MORC1: variants seen among roughly 807,000 people sequenced by gnomAD.
MORC1 encodes the protein MORC family CW-type zinc finger 1, also known as MORC family CW-type zinc finger protein 1.
Under a neutral mutation model 134.9 loss-of-function variants are expected in MORC1, and 59 were observed. The observed-to-expected ratio is 0.44, with a 90% CI of 0.35 to 0.54. The LOEUF is 0.54. MORC1 is among the 20% of genes least tolerant of loss of function. The probability of loss-of-function intolerance (pLI) is 0.00; values close to 1 mark genes in which losing one functional copy is unlikely to be tolerated. For missense variants in MORC1, 947 were observed against 1,134.5 expected (o/e 0.83, Z 2.37); for synonymous variants, 395 against 391.7 (o/e 1.01, Z -0.10).
At chr3:109,011,524 G>GTTT (rs577815272) in intron 17 of MORC1, among the ~76,000 whole-genome samples, 69 of 138,344 alleles carry the variant, frequency 5.0e-4, no homozygotes, top group African/African-American at 1.7e-3. Context: ...CTTTGTTTTT[G>GTTT]TTTTTTTTTT....
chr3:109,019,294 G>A lies in MORC1; in HGVS notation c.1704+8457C>T, dbSNP rs115249126. 5.0e-3 allele frequency among the ~76,000 whole-genome samples: 757 copies of A among 152,212 alleles called. 5 individuals are homozygous for A. The highest frequency in any genetic ancestry group is 0.02 in the Middle Eastern group (6 of 294). ...TTGCATCTCCTTCTTCAAAGAGCTC[G>A]TAAGCATTGCCCCTTCTGTAAAGCT... On this transcript the variant is annotated intron_variant, in intron 17 of 27. Coordinates refer to ENST00000232603, the MANE Select transcript of MORC1 (RefSeq NM_014429.4).
intron 17 of MORC1, among the ~76,000 whole-genome samples, chr3:109,025,379 C>CCT (rs1949050115): frequency 3.8e-5 from 4 of 105,078 alleles, no homozygotes; most frequent in Admixed American, 1.1e-4. Flanking sequence ...TTTCTTTTTT[C>CCT]TTTTTTTTTT....
At chr3:108,959,201 C>T in intron 27 of MORC1, 81 bp from the exon 28 acceptor site, 1 of 1,256,342 alleles carries the variant, frequency 8.0e-7, no homozygotes, top group Non-Finnish European at 1.1e-6. Context: ...TCCTAACAGT[C>T]TTCCCTATGA....
chr3:109,043,676 C>G (rs917195595), intron 14 of MORC1, among the ~76,000 whole-genome samples: 4 of 152,128 alleles, frequency 2.6e-5, no homozygotes, highest in African/African-American at 7.2e-5. Context: ...AAAGTTACTT[C>G]TCCATGAGCA....
At chr3:109,036,405 T>A (rs966611367) in intron 14 of MORC1, among the ~76,000 whole-genome samples, 1 of 152,148 alleles carries the variant, frequency 6.6e-6, no homozygotes, top group Non-Finnish European at 1.5e-5. Context: ...ACAGTGGATA[T>A]CTTTAGAGCA....
chr3:109,006,897 G>A, intron 18 of MORC1, 132 bp downstream of exon 18: 1 of 489,204 alleles, frequency 2.0e-6, no homozygotes, highest in South Asian at 6.0e-5. Flanking sequence ...AGAATAAAAT[G>A]GCAGTTAAAA....
intron 3 of MORC1, among the ~76,000 whole-genome samples, chr3:109,108,623 C>T (rs896995270): frequency 6.6e-6 from 1 of 152,098 alleles, no homozygotes; most frequent in South Asian, 2.1e-4. Context: ...CTCAGCCAGG[C>T]GCGGTGGCTC....
Position 108,959,107 on chromosome 3 carries a change from C to T in MORC1, c.2813G>A (p.Gly938Asp). The change falls in exon 28 of 28, where the codon GGT becomes GAT. Residue 938 changes from glycine (G) to aspartate (D), a missense_variant. Physicochemically the swap from Gly to Asp is moderately conservative, Grantham distance 94 (BLOSUM62 -1). Around this residue, in one of 3 missense-constraint regions of MORC1, gnomAD observed 722 missense variants for 817.0 expected, o/e 0.88. Coordinates refer to ENST00000232603, the MANE Select transcript of MORC1 (RefSeq NM_014429.4). ...ATAAGTGTCAGTCTGCTCCAGGTCA[C>T]CTTCTGGACCACCCTGGAAAAGAGA... ...LQKLQLGGPE[G>D]DLEQTDTYLE... is the part of the protein sequence containing the mutation. 1 of 1,576,372 alleles carries T rather than the reference C, an allele frequency of 6.3e-7. No individual in the cohort carries two copies. The highest frequency in any genetic ancestry group is 1.4e-5 in the African/African-American group (1 of 72,232).
intron 17 of MORC1, among the ~76,000 whole-genome samples, chr3:109,008,024 T>C (rs1281626081): frequency 2.0e-5 from 3 of 152,140 alleles, no homozygotes; most frequent in Non-Finnish European, 4.4e-5. Context: ...TAGCATATTA[T>C]ACACATGGTC....
chr3:108,979,855 C>T (rs1377531886), intron 23 of MORC1, among the ~76,000 whole-genome samples, 188 bp from the exon 24 acceptor site: 3 of 152,084 alleles, frequency 2.0e-5, no homozygotes, highest in Non-Finnish European at 2.9e-5. Context: ...ATATTTATTC[C>T]AGTCACATAT....
At chr3:108,982,935 T>C (rs1002016941) in intron 23 of MORC1, among the ~76,000 whole-genome samples, 5 of 121,074 alleles carry the variant, frequency 4.1e-5, no homozygotes, top group African/African-American at 1.7e-4. Context: ...TATACTAGTT[T>C]TGGTTTTTTT....
At chr3:109,017,984 T>A (rs2107570654) in intron 17 of MORC1, among the ~76,000 whole-genome samples, 1 of 152,272 alleles carries the variant, frequency 6.6e-6, no homozygotes, top group South Asian at 2.1e-4. Context: ...AAACCAGGAA[T>A]AAAGAAGTGA....
intron 1 of MORC1, among the ~76,000 whole-genome samples, chr3:109,114,989 T>G (rs949745107): frequency 6.6e-6 from 1 of 152,204 alleles, no homozygotes; most frequent in Non-Finnish European, 1.5e-5. Flanking sequence ...CTTTCTCCTG[T>G]ACCCTCGAAT....
intron 21 of MORC1, among the ~76,000 whole-genome samples, chr3:108,994,600 T>C (rs1455958067): frequency 6.6e-6 from 1 of 152,122 alleles, no homozygotes; most frequent in Non-Finnish European, 1.5e-5. Context: ...TGTTGCTTCA[T>C]GTTAGAATTA....
At chr3:109,100,816 A>G (rs1228200791) in intron 4 of MORC1, among the ~76,000 whole-genome samples, 4 of 152,232 alleles carry the variant, frequency 2.6e-5, no homozygotes, top group African/African-American at 9.6e-5. Context: ...ATTATTCTCT[A>G]AACAACAAAG....
intron 8 of MORC1, among the ~76,000 whole-genome samples, chr3:109,074,365 T>C (rs1055731634): frequency 4.6e-5 from 7 of 152,156 alleles, no homozygotes; most frequent in East Asian, 1.9e-4. Context: ...GTTTTGAAGA[T>C]AGTTAAGTCA....
chr3:109,092,427 C>T (rs1205824086), intron 8 of MORC1, among the ~76,000 whole-genome samples: 3 of 152,112 alleles, frequency 2.0e-5, no homozygotes, highest in Non-Finnish European at 4.4e-5. Flanking sequence ...TTCTCTGTAA[C>T]CTGACATGTC....
intron 17 of MORC1, among the ~76,000 whole-genome samples, chr3:109,021,024 C>CTGAG (rs144090588): frequency 0.011 from 1,712 of 152,234 alleles, 22 homozygotes; most frequent in African/African-American, 0.039. Context: ...AGGATTCAAG[C>CTGAG]TGAGAGAGGA....
At chr3:109,103,778 A>G in intron 4 of MORC1, 71 bp downstream of exon 4, 1 of 1,370,552 alleles carries the variant, frequency 7.3e-7, no homozygotes, top group Non-Finnish European at 1.0e-6. Context: ...AGATAGCTCA[A>G]TTTATTTATT....
Sources: allele counts gnomAD v4.1 joint callset (sites outside exome capture counted in the v4.1 genomes callset), GRCh38; gene constraint gnomAD v4.1.1; regional missense constraint gnomAD v4.1.1; transcripts MANE v1.5; gene names NCBI Gene and HGNC (gene_info 2026-07-23, HGNC 2026-07-21).